Variants in EBNA1BP2 observed in about 807,000 individuals in gnomAD.
The protein encoded by EBNA1BP2 is EBNA1 binding protein 2.
EBNA1BP2 carries 36 observed loss-of-function variants against 43.5 expected under a neutral mutation model. The observed-to-expected ratio is 0.83, with a 90% CI of 0.63 to 1.09. The LOEUF (loss-of-function observed/expected upper bound fraction) is 1.09. Ranked by LOEUF, EBNA1BP2 falls within the 50% of genes least tolerant of loss-of-function variation. The pLI, the probability that EBNA1BP2 is intolerant of heterozygous loss-of-function variation, is 0.00. For missense variants in EBNA1BP2, 332 were observed against 379.1 expected (o/e 0.88, Z 1.03); for synonymous variants, 127 against 141.3 (o/e 0.90, Z 0.72).
At chr1:43,166,750 A>C in intron 7 of EBNA1BP2, 76 bp downstream of exon 7, 1 of 1,433,650 alleles carries the variant, frequency 7.0e-7, no homozygotes, top group Non-Finnish European at 9.6e-7. Flanking sequence ...TGGAGGTGCT[A>C]TGTCTGCCAT....
At position 43,164,745 on chromosome 1, in the gene EBNA1BP2, G is replaced by A; in HGVS notation, c.768C>T (p.Gly256=). The A allele has an allele frequency of 6.2e-7, 1 of 1,614,192 alleles. No individual in the cohort carries two copies. The highest frequency in any genetic ancestry group is 1.1e-5 in the South Asian group (1 of 91,080). The change falls in exon 8 of 9, where the codon GGC becomes GGT. Residue 256 remains glycine (G), a synonymous_variant. Transcript: ENST00000236051. ...QKFGFGGKKK[G]SKWNTRESYD... The stretch of plus-strand genomic sequence containing the variant: ...AGCTCTCCCGAGTGTTCCACTTTGA[G>A]CCTTTCTTCTTTCCACCAAAACCAA...
chr1:43,171,588 C>G lies in EBNA1BP2; in HGVS notation c.214G>C (p.Val72Leu). The change falls in exon 3 of 9, where the codon GTG becomes CTG. Residue 72 changes from valine to leucine, a missense_variant. Transcript: ENST00000236051. ...RDLEWVERLD[V>L]TLGPVPEIGG... Reference sequence around the variant, plus strand: ...ATCTCCGGTACCGGACCCAGTGTCACATCGAGCCTTTCAACCCATTCCAGA... The same window carrying G: ...ATCTCCGGTACCGGACCCAGTGTCAGATCGAGCCTTTCAACCCATTCCAGA... 6.2e-7 allele frequency: 1 copy of G among 1,614,222 alleles called. No homozygotes were observed. The highest frequency in any genetic ancestry group is 8.5e-7 in the Non-Finnish European group (1 of 1,180,046).
chr1:43,171,205 A>ATGTT (rs751311462), intron 3 of EBNA1BP2: 185 of 477,642 alleles, frequency 3.9e-4, no homozygotes, highest in Middle Eastern at 1.1e-3. Flanking sequence ...CCCATAAGCA[A>ATGTT]TGTTTGTTTG....
At position 43,164,787 on chromosome 1, in the gene EBNA1BP2, C is replaced by T; in HGVS notation, c.726G>A (p.Arg242=). The T allele has an allele frequency of 6.2e-7, 1 of 1,614,174 alleles. No individual in the cohort carries two copies. The highest frequency in any genetic ancestry group is 8.5e-7 in the Non-Finnish European group (1 of 1,180,036). The stretch of plus-strand genomic sequence containing the variant: ...CAAAACCAAACTTCTGGTTTTTATA[C>T]CGTCGTTTAGCACTGGGCCTGGAAA... ...QMRKGPSAKR[R]YKNQKFGFGG... is the part of the protein sequence containing the mutation. The change falls in exon 8 of 9, where the codon CGG becomes CGA. Residue 242 remains arginine, a synonymous_variant. Transcript: ENST00000236051.
chr1:43,169,079 C>A, intron 4 of EBNA1BP2, 51 bp from the exon 5 acceptor site: 1 of 1,572,022 alleles, frequency 6.4e-7, no homozygotes, highest in Non-Finnish European at 8.7e-7. Flanking sequence ...GGAATGACCA[C>A]TACTTAGGAT....
intron 7 of EBNA1BP2, among the ~76,000 whole-genome samples, chr1:43,166,531 C>G (rs910771969): frequency 5.9e-5 from 9 of 152,112 alleles, no homozygotes; most frequent in Admixed American, 5.9e-4. Flanking sequence ...TTACTTGAGC[C>G]CAGGTGGCAG....
chr1:43,169,104 AACAG>A, intron 4 of EBNA1BP2, 76 bp from the exon 5 acceptor site: 1 of 1,443,788 alleles, frequency 6.9e-7, no homozygotes, highest in Non-Finnish European at 9.7e-7. Context: ...TAGAGCAGGG[AACAG>A]ATATTCCCTG....
chr1:43,172,505 A>G (rs1345147514), upstream of EBNA1BP2: 23 of 1,467,520 alleles, frequency 1.6e-5, no homozygotes, highest in Non-Finnish European at 1.9e-5. Flanking sequence ...CAGTGAGGGT[A>G]CAAAGGAAAA....
upstream of EBNA1BP2, chr1:43,172,358 C>T: frequency 1.3e-6 from 2 of 1,551,614 alleles, no homozygotes; most frequent in Non-Finnish European, 1.7e-6. Flanking sequence ...CTATAGGAAC[C>T]GCTACGGCGT....
rs781183366 is a variant in EBNA1BP2, at chr1:43,171,548, G to A, written c.254C>T (p.Ala85Val). The change falls in exon 3 of 9, where the codon GCG becomes GTG. Residue 85 changes from alanine (A) to valine (V), a missense_variant. Ala to Val is a moderately conservative substitution (Grantham distance 64). This residue lies in a region of EBNA1BP2 where 182 missense variants were observed against 173.7 expected (regional missense o/e 1.05). Transcript: ENST00000236051. The part of the protein sequence containing the change: ...GPVPEIGGSE[A>V]PAPQNKDQKA... ...CTGGTCCTTGTTCTGAGGTGCTGGC[G>A]CCTCAGATCCACCGATCTCCGGTAC... is the stretch of plus-strand genomic sequence containing the variant. 4.3e-6 allele frequency: 7 copies of A among 1,614,078 alleles called. No individual in the cohort carries two copies. The highest frequency in any genetic ancestry group is 5.1e-6 in the Non-Finnish European group (6 of 1,180,018).
chr1:43,171,351 T>G, intron 3 of EBNA1BP2, 128 bp downstream of exon 3: 3 of 1,178,254 alleles, frequency 2.5e-6, no homozygotes, highest in Middle Eastern at 3.0e-4. Context: ...TCCTAGCTAT[T>G]CTTAGTCAAA....
In EBNA1BP2 at chr1:43,164,302, G is replaced by T; in HGVS notation, c.*141C>A. Reference sequence around the variant, plus strand: ...TTTAGTCTAGACTATTTAACCAAAGGTATGTGTTCCTTTAATAATTTTTCT... The same window carrying T: ...TTTAGTCTAGACTATTTAACCAAAGTTATGTGTTCCTTTAATAATTTTTCT... On this transcript the variant is annotated 3_prime_UTR_variant, in exon 9 of 9. Transcript: ENST00000236051. The T allele has an allele frequency of 2.2e-6, 2 of 919,208 alleles. No homozygotes were observed. Among genetic ancestry groups the T allele is most frequent in the Non-Finnish European group, 3.3e-6 (2 of 598,234 alleles). The allele number at this position is 919,208 out of a possible 1,614,324, so 56.9% of individuals were successfully genotyped here.
intron 5 of EBNA1BP2, among the ~76,000 whole-genome samples, chr1:43,168,469 T>C (rs1023753420): frequency 1.3e-5 from 2 of 152,216 alleles, no homozygotes; most frequent in Non-Finnish European, 2.9e-5. Context: ...ATCTTTCAGA[T>C]TGGATGACAA....
intron 5 of EBNA1BP2, among the ~76,000 whole-genome samples, chr1:43,167,603 T>C (rs1644926915): frequency 6.6e-6 from 1 of 152,162 alleles, no homozygotes. Flanking sequence ...AAGTAAATCA[T>C]GTTTAAGACT....
At chr1:43,168,748 CA>C (rs1644934307) in intron 5 of EBNA1BP2, among the ~76,000 whole-genome samples, 190 bp downstream of exon 5, 1 of 152,112 alleles carries the variant, frequency 6.6e-6, no homozygotes, top group African/African-American at 2.4e-5. Flanking sequence ...CTGCAGTCAC[CA>C]TACTACTCCT....
Position 43,170,743 on chromosome 1 carries a change from T to C in EBNA1BP2, c.447+13A>G. The C allele has an allele frequency of 1.9e-6, 3 of 1,601,958 alleles. No individual in the cohort carries two copies. The highest frequency in any genetic ancestry group is 1.7e-6 in the Non-Finnish European group (2 of 1,175,134). On this transcript the variant is annotated intron_variant, in intron 4 of 8. Transcript: ENST00000236051. ...AAGTTTTGACTTTCCAGAGGAAAAC[T>C]TCTATTTCTTACCTTCTGCATCTGC...
In EBNA1BP2 at chr1:43,172,214, T is replaced by G; in HGVS notation, c.-96A>C. On this transcript the variant is annotated 5_prime_UTR_variant, in exon 1 of 9. Transcript: ENST00000236051. Reference sequence around the variant, plus strand: ...GCGGCCCTGGCCGCTGCTGCCTGCCTTCAGCCCCCTACTCCCACGCCGTGG... The same window carrying G: ...GCGGCCCTGGCCGCTGCTGCCTGCCGTCAGCCCCCTACTCCCACGCCGTGG... 1 of 1,585,976 alleles carries G rather than the reference T, an allele frequency of 6.3e-7. No individual in the cohort carries two copies. The highest frequency in any genetic ancestry group is 1.3e-5 in the African/African-American group (1 of 74,310).
rs753471827 is a variant in EBNA1BP2, at chr1:43,172,254, G to A, written c.-136C>T. On this transcript the variant is annotated 5_prime_UTR_variant, in exon 1 of 9. Coordinates refer to ENST00000236051, the MANE Select transcript of EBNA1BP2 (RefSeq NM_006824.3). Reference sequence around the variant, plus strand: ...CCACGCCGTGGCTCCACGTGCCACCGAATCGCTCCAGCGCCAGCAACTCAC... The same window carrying A: ...CCACGCCGTGGCTCCACGTGCCACCAAATCGCTCCAGCGCCAGCAACTCAC... 94 of 1,557,624 alleles carry A rather than the reference G, an allele frequency of 6.0e-5. 1 individual carries two copies. The East Asian group carries it at 1.8e-3, about 30-fold the overall frequency.
intron 3 of EBNA1BP2, chr1:43,171,270 A>T (rs1223040208): frequency 1.7e-6 from 1 of 605,396 alleles, no homozygotes; most frequent in Non-Finnish European, 2.6e-6. Flanking sequence ...GAATATTTCA[A>T]ATTAGCCCAT....
Sources: allele counts gnomAD v4.1 joint callset (sites outside exome capture counted in the v4.1 genomes callset), GRCh38; gene constraint gnomAD v4.1.1; regional missense constraint gnomAD v4.1.1; transcripts MANE v1.5; gene names NCBI Gene and HGNC (gene_info 2026-07-23, HGNC 2026-07-21).